The following PTPRD variants were observed in gnomAD, a reference collection of about 807,000 sequenced individuals.
The protein encoded by PTPRD is receptor-type tyrosine-protein phosphatase delta.
In PTPRD, 34 loss-of-function variants were observed where a neutral mutation model predicts 214.5. The observed-to-expected ratio is 0.16, with a 90% CI of 0.12 to 0.21. PTPRD has a LOEUF of 0.21. Ranked by LOEUF, PTPRD falls within the 10% of genes least tolerant of loss-of-function variation. The probability of loss-of-function intolerance (pLI) is 1.00; values close to 1 mark genes in which losing one functional copy is unlikely to be tolerated. For missense variants in PTPRD, 2,545 were observed against 2,398.7 expected (o/e 1.06, Z -1.27); for synonymous variants, 1,128 against 845.7 (o/e 1.33, Z -5.79).
At chr9:9,241,556 A>G (rs902484125) in intron 9 of PTPRD, among the ~76,000 whole-genome samples, 2 of 152,136 alleles carry the variant, frequency 1.3e-5, no homozygotes, top group East Asian at 3.9e-4. Context: ...CCTTGAGCAC[A>G]TGGTTCACGT....
chr9:8,678,407 T>TA (rs1565213297), intron 12 of PTPRD, among the ~76,000 whole-genome samples: 2 of 152,146 alleles, frequency 1.3e-5, no homozygotes, highest in Non-Finnish European at 2.9e-5. Context: ...ATAGAAGTTT[T>TA]AAAAAAACTT....
At chr9:9,623,827 C>T (rs1184796712) in intron 7 of PTPRD, among the ~76,000 whole-genome samples, 2 of 152,174 alleles carry the variant, frequency 1.3e-5, no homozygotes, top group Non-Finnish European at 2.9e-5. Context: ...ATATCACTTT[C>T]AAGAAACAGT....
chr9:10,158,162 C>T (rs1272812275), intron 3 of PTPRD, among the ~76,000 whole-genome samples: 3 of 152,032 alleles, frequency 2.0e-5, no homozygotes, highest in Admixed American at 6.6e-5. Context: ...GTGCCCCCAC[C>T]ACACCCAACT....
chr9:8,716,844 T>C (rs754575569), intron 12 of PTPRD, among the ~76,000 whole-genome samples: 2 of 152,020 alleles, frequency 1.3e-5, no homozygotes, highest in Non-Finnish European at 2.9e-5. Context: ...TATTGGAATG[T>C]AGGGGGTTGG....
At chr9:10,536,005 A>C (rs2057696540) in intron 2 of PTPRD, among the ~76,000 whole-genome samples, 2 of 152,108 alleles carry the variant, frequency 1.3e-5, no homozygotes, top group African/African-American at 2.4e-5. Context: ...AACCGTGAAG[A>C]GGGTATAAAA....
chr9:9,517,838 G>A (rs1316686251), intron 8 of PTPRD, among the ~76,000 whole-genome samples: 1 of 151,886 alleles, frequency 6.6e-6, no homozygotes, highest in Non-Finnish European at 1.5e-5. Flanking sequence ...AATAGACAAT[G>A]CTTACACAAG....
chr9:9,637,680 T>G (rs1011822125), intron 7 of PTPRD, among the ~76,000 whole-genome samples: 1 of 152,208 alleles, frequency 6.6e-6, no homozygotes, highest in Non-Finnish European at 1.5e-5. Flanking sequence ...TACTGCATGC[T>G]GGTGGCTCTA....
chr9:9,200,505 T>A (rs2099941246), intron 9 of PTPRD, among the ~76,000 whole-genome samples: 1 of 152,212 alleles, frequency 6.6e-6, no homozygotes, highest in African/African-American at 2.4e-5. Flanking sequence ...ACACATGTAA[T>A]CTTATTTAAT....
At chr9:8,688,823 T>G (rs541715747) in intron 12 of PTPRD, among the ~76,000 whole-genome samples, 1 of 152,198 alleles carries the variant, frequency 6.6e-6, no homozygotes, top group Admixed American at 6.5e-5. Flanking sequence ...AGTCTCAATT[T>G]TCTCATCCAT....
At chr9:10,220,146 T>G (rs1302802912) in intron 3 of PTPRD, among the ~76,000 whole-genome samples, 1 of 151,916 alleles carries the variant, frequency 6.6e-6, no homozygotes, top group African/African-American at 2.4e-5. Flanking sequence ...TTTTTTTTAG[T>G]ATCACTTTTA....
intron 11 of PTPRD, among the ~76,000 whole-genome samples, chr9:8,809,223 T>A (rs1464742333): frequency 1.3e-5 from 2 of 152,196 alleles, no homozygotes; most frequent in Non-Finnish European, 2.9e-5. Context: ...TGTTTTGTAA[T>A]ATCTGTATAT....
intron 12 of PTPRD, among the ~76,000 whole-genome samples, chr9:8,679,248 T>A (rs1019697042): frequency 2.6e-5 from 4 of 152,214 alleles, no homozygotes; most frequent in Non-Finnish European, 4.4e-5. Context: ...TTGTTCATTA[T>A]CATGCAATTT....
rs763141884 is a variant in PTPRD, at chr9:8,465,650, C to T, written c.3530G>A (p.Arg1177His). Residue 1177 changes from arginine (R) to histidine (H), a missense_variant, in exon 32 of 46, where the codon CGC (arginine) becomes CAC (histidine). Transcript: ENST00000381196. ...TTCTCTCCCATAACGGATGCTTCTG[C>T]GCTTCCTAGATATCTCCTTAAGCAG... ...DELLKEISRK[R>H]RSIRYGREVE... The T allele has an allele frequency of 2.0e-5, 33 of 1,611,634 alleles. No individual in the cohort carries two copies. Among genetic ancestry groups the T allele is most frequent in the Admixed American group, 1.0e-4 (6 of 59,738 alleles).
intron 4 of PTPRD, among the ~76,000 whole-genome samples, chr9:9,952,075 G>GATT (rs1179779634): frequency 6.6e-6 from 1 of 152,128 alleles, no homozygotes; most frequent in Non-Finnish European, 1.5e-5. Flanking sequence ...GCTGAGGATG[G>GATT]TAGTAAAATT....
intron 3 of PTPRD, among the ~76,000 whole-genome samples, chr9:10,095,035 G>A (rs1233312158): frequency 6.6e-6 from 1 of 151,216 alleles, no homozygotes; most frequent in Non-Finnish European, 1.5e-5. Flanking sequence ...ACCTTAAGGT[G>A]TCAGCATAGA....
chr9:8,980,034 A>G (rs2099301187), intron 11 of PTPRD, among the ~76,000 whole-genome samples: 1 of 152,112 alleles, frequency 6.6e-6, no homozygotes, highest in African/African-American at 2.4e-5. Context: ...ACACACTGGA[A>G]TATTATTCAG....
At chr9:9,110,696 C>T (rs560234730) in intron 10 of PTPRD, among the ~76,000 whole-genome samples, 1 of 152,148 alleles carries the variant, frequency 6.6e-6, no homozygotes, top group Non-Finnish European at 1.5e-5. Context: ...TATCTCCCTG[C>T]CCACAGACCA....
At chr9:8,451,016 T>G (rs1053776583) in intron 33 of PTPRD, among the ~76,000 whole-genome samples, 4 of 152,200 alleles carry the variant, frequency 2.6e-5, no homozygotes, top group Non-Finnish European at 4.4e-5. Flanking sequence ...TCATTAGTGT[T>G]GCTGTGGCAA....
At chr9:8,343,661 C>T (rs1854673110) in intron 39 of PTPRD, among the ~76,000 whole-genome samples, 1 of 151,982 alleles carries the variant, frequency 6.6e-6, no homozygotes, top group East Asian at 1.9e-4. Context: ...CCCTTTACTA[C>T]AATTCTAACC....
Sources: allele counts gnomAD v4.1 joint callset (sites outside exome capture counted in the v4.1 genomes callset), GRCh38; gene constraint gnomAD v4.1.1; transcripts MANE v1.5; gene names NCBI Gene and HGNC (gene_info 2026-07-23, HGNC 2026-07-21).